The following WDR70 variants were observed in gnomAD, a reference collection of about 807,000 sequenced individuals.
The protein encoded by WDR70 is WD repeat-containing protein 70.
Under a neutral mutation model 88.6 loss-of-function variants are expected in WDR70, and 53 were observed. That is an observed-to-expected ratio of 0.60 (90% CI 0.48 to 0.75). The LOEUF is 0.75. WDR70 is among the 30% of genes least tolerant of loss of function. The pLI is 0.00. For synonymous variants in WDR70, 280 were observed against 270.0 expected (o/e 1.04, Z -0.36); for missense variants, 610 against 823.2 (o/e 0.74, Z 3.17).
intron 9 of WDR70, among the ~76,000 whole-genome samples, chr5:37,570,729 A>G (rs1353647720): frequency 2.0e-5 from 3 of 152,178 alleles, no homozygotes; most frequent in African/African-American, 7.2e-5. Context: ...GTCTGAAGAA[A>G]TGTCTTTTGG....
chr5:37,682,918 G>A (rs6861677), intron 10 of WDR70, among the ~76,000 whole-genome samples: 150,200 of 152,202 alleles, frequency 0.99, 74,139 homozygotes, highest in Non-Finnish European at 1. Flanking sequence ...GGAGAGTTCT[G>A]TAGTACTGTC....
chr5:37,417,472 G>A (rs578000771), intron 5 of WDR70, among the ~76,000 whole-genome samples: 1 of 151,456 alleles, frequency 6.6e-6, no homozygotes, highest in South Asian at 2.1e-4. Flanking sequence ...TGATCTGCCT[G>A]TCTCAGCCTC....
intron 9 of WDR70, among the ~76,000 whole-genome samples, chr5:37,588,757 TTTTA>T (rs1224233941): frequency 3.3e-5 from 5 of 151,664 alleles, no homozygotes; most frequent in Non-Finnish European, 7.4e-5. Flanking sequence ...TTATTTTTAT[TTTTA>T]TTTATTTATT....
At chr5:37,490,532 C>A (rs1740035912) in intron 8 of WDR70, among the ~76,000 whole-genome samples, 1 of 152,144 alleles carries the variant, frequency 6.6e-6, no homozygotes. Flanking sequence ...GTCCTCAAGG[C>A]ACATGTACCA....
In WDR70 at chr5:37,478,219, A is replaced by G. The variant is rs1465742490; in HGVS notation, c.687-1615A>G. ...GCATCGACTGCTCTTAGCAACAGCT[A>G]TCGAATTCCTAGTCCTTTTAATTAC... On this transcript the variant is annotated intron_variant, in intron 7 of 17. Coordinates refer to ENST00000265107, the MANE Select transcript of WDR70 (RefSeq NM_018034.4). Among the ~76,000 whole-genome samples the G allele has an allele frequency of 3.8e-4, 58 of 152,200 alleles. 1 individual carries two copies. The highest frequency in any genetic ancestry group is 1.2e-4 in the Non-Finnish European group (8 of 68,040).
At chr5:37,752,297 T>C (rs1748836004) in intron 17 of WDR70, among the ~76,000 whole-genome samples, 189 bp from the exon 18 acceptor site, 1 of 152,230 alleles carries the variant, frequency 6.6e-6, no homozygotes. Context: ...AAGAATCTTT[T>C]GCTCTTTTCC....
At chr5:37,592,585 T>G (rs1176658491) in intron 9 of WDR70, among the ~76,000 whole-genome samples, 1 of 152,222 alleles carries the variant, frequency 6.6e-6, no homozygotes, top group Non-Finnish European at 1.5e-5. Context: ...GTACATGCAT[T>G]TTGATTGCGA....
At chr5:37,743,984 T>A (rs1270124527) in intron 17 of WDR70, among the ~76,000 whole-genome samples, 1 of 152,194 alleles carries the variant, frequency 6.6e-6, no homozygotes. Context: ...CCAACAGAGA[T>A]TGTCAGACGC....
chr5:37,561,500 A>C (rs1742501860), intron 9 of WDR70, among the ~76,000 whole-genome samples: 1 of 152,248 alleles, frequency 6.6e-6, no homozygotes, highest in African/African-American at 2.4e-5. Flanking sequence ...ACATGCTAAC[A>C]ACAAATAAGG....
At chr5:37,589,522 T>C (rs1368258156) in intron 9 of WDR70, among the ~76,000 whole-genome samples, 1 of 152,104 alleles carries the variant, frequency 6.6e-6, no homozygotes, top group East Asian at 1.9e-4. Context: ...CCATGAAATG[T>C]AGCATTCTTT....
At chr5:37,647,893 A>T (rs75390845) in intron 10 of WDR70, among the ~76,000 whole-genome samples, 1 of 152,242 alleles carries the variant, frequency 6.6e-6, no homozygotes, top group African/African-American at 2.4e-5. Flanking sequence ...GGCAAGAGAG[A>T]GAGTGTGGGG....
chr5:37,510,827 A>G lies in WDR70; in HGVS notation c.841-5687A>G, dbSNP rs115571167. Among the ~76,000 whole-genome samples the G allele has an allele frequency of 1.9e-3, 289 of 152,288 alleles. 1 individual carries two copies. The highest frequency in any genetic ancestry group is 6.7e-3 in the African/African-American group (277 of 41,564). On this transcript the variant is annotated intron_variant, in intron 8 of 17. Transcript: ENST00000265107. ...TTCCTTGACATTTTTTGAGGACTGC[A>G]GGTCAGTGATTTGATAAAATATAGA...
intron 12 of WDR70, 69 bp downstream of exon 12, chr5:37,701,211 T>A: frequency 1.0e-6 from 1 of 977,410 alleles, no homozygotes. Context: ...ACTTTAATGT[T>A]AATTTATATC....
At chr5:37,636,124 T>C (rs552075111) in intron 10 of WDR70, among the ~76,000 whole-genome samples, 1 of 152,294 alleles carries the variant, frequency 6.6e-6, no homozygotes, top group South Asian at 2.1e-4. Context: ...ACTAATACAA[T>C]GATATTAGTC....
intron 5 of WDR70, among the ~76,000 whole-genome samples, chr5:37,405,277 G>A (rs571514375): frequency 6.6e-6 from 1 of 152,092 alleles, no homozygotes; most frequent in Non-Finnish European, 1.5e-5. Flanking sequence ...CAATAGATAT[G>A]TGTGGAACAA....
intron 9 of WDR70, among the ~76,000 whole-genome samples, chr5:37,521,994 G>C (rs113060444): frequency 1.5e-3 from 228 of 152,260 alleles, no homozygotes; most frequent in Middle Eastern, 3.4e-3. Flanking sequence ...TGTGAAGATT[G>C]TAAGTGTTGC....
chr5:37,466,947 A>G (rs1377284054), intron 7 of WDR70, among the ~76,000 whole-genome samples: 3 of 151,982 alleles, frequency 2.0e-5, no homozygotes, highest in Non-Finnish European at 2.9e-5. Flanking sequence ...TAAACAGTAG[A>G]TATTTTGACC....
At chr5:37,522,870 G>A (rs2112279146) in intron 9 of WDR70, among the ~76,000 whole-genome samples, 1 of 152,356 alleles carries the variant, frequency 6.6e-6, no homozygotes, top group South Asian at 2.1e-4. Context: ...TGCCCACGGA[G>A]CCTCGCTCAT....
At position 37,437,973 on chromosome 5, in the gene WDR70, A is replaced by G; in HGVS notation, c.544A>G (p.Thr182Ala). 2.5e-6 allele frequency: 4 copies of G among 1,609,538 alleles called. No homozygotes were observed. The South Asian group carries it at 4.4e-5, about 18-fold the overall frequency. The stretch of plus-strand genomic sequence containing the variant: ...GCATGAGATAACGCTGAAGCATGGC[A>G]CTAAAACAGTAAGTTTAAAAATCTA... ...DSHEITLKHG[T>A]KTVSALGLDP... The change falls in exon 6 of 18, where the codon ACT (threonine) becomes GCT (alanine). Residue 182 changes from threonine to alanine, a missense_variant. Physicochemically the swap from Thr to Ala is moderately conservative, Grantham distance 58. This residue lies in a region of WDR70 where 203 missense variants were observed against 228.1 expected (regional missense o/e 0.89). Transcript: ENST00000265107.
Sources: gnomAD v4.1 joint callset for allele counts (sites outside exome capture counted in the v4.1 genomes callset) on GRCh38, gnomAD v4.1.1 for gene constraint, gnomAD v4.1.1 regional missense constraint, MANE v1.5 for transcripts, NCBI Gene and HGNC (gene_info 2026-07-23, HGNC 2026-07-21) for gene names.